Variants in ZNF680 observed in about 807,000 individuals in gnomAD.
ZNF680 encodes the protein zinc finger protein 680.
A neutral mutation model predicts 12.1 loss-of-function variants in ZNF680; 6 were observed. The ratio of observed to expected loss-of-function variants is 0.49; its 90% CI spans 0.27 to 0.98. The LOEUF (loss-of-function observed/expected upper bound fraction) is 0.98, where lower values mean the gene tolerates loss of function less well. Ranked by LOEUF, ZNF680 falls within the 50% of genes least tolerant of loss-of-function variation. The pLI is 0.12. For missense variants in ZNF680, 561 were observed against 616.3 expected (o/e 0.91, Z 0.95); for synonymous variants, 170 against 199.3 (o/e 0.85, Z 1.24).
intron 3 of ZNF680, chr7:64,526,210 A>G: frequency 9.9e-7 from 1 of 1,008,574 alleles, no homozygotes; most frequent in Non-Finnish European, 1.2e-6. Context: ...GGAAAAAGTA[A>G]TGTAGAGGTT....
rs534432744 is a variant in ZNF680 at position 64,550,036 on chromosome 7, A to G, written c.31-5604T>C. Among the ~76,000 whole-genome samples, 27 of 152,324 alleles carry G rather than the reference A, an allele frequency of 1.8e-4. No homozygotes were observed. The East Asian group carries it at 4.4e-3, about 25-fold the overall frequency. ...CAACATGAATATAAGTAGACAGTTT[A>G]TTTGGGTCAAGCTTGAGGATTGTTA... On this transcript the variant is annotated intron_variant, in intron 1 of 3. Transcript: ENST00000309683.
At chr7:64,555,072 C>T (rs2116545526) in intron 1 of ZNF680, among the ~76,000 whole-genome samples, 1 of 152,196 alleles carries the variant, frequency 6.6e-6, no homozygotes, top group African/African-American at 2.4e-5. Context: ...TAGATTCTGA[C>T]ACAATAATAG....
At chr7:64,547,337 C>A (rs537753222) in intron 1 of ZNF680, among the ~76,000 whole-genome samples, 17 of 152,298 alleles carry the variant, frequency 1.1e-4, no homozygotes, top group African/African-American at 3.8e-4. Flanking sequence ...TAAAGACAAC[C>A]AATCTCCATC....
At chr7:64,562,421 G>C (rs191154979) in intron 1 of ZNF680, among the ~76,000 whole-genome samples, 427 of 152,190 alleles carry the variant, frequency 2.8e-3, no homozygotes, top group Non-Finnish European at 4.2e-3. Flanking sequence ...TATTGAATTT[G>C]GTTTTATTCA....
rs368266383 is a variant in ZNF680, at chr7:64,554,206, G to C, written c.30+8719C>G. Among the ~76,000 whole-genome samples the C allele has an allele frequency of 1.8e-4, 27 of 146,600 alleles. No homozygotes were observed. In the East Asian group the frequency reaches 4.9e-3, roughly 27 times the overall value. ...GCGCCTCTGCCCCGCCGCCCCGTCT[G>C]AGATGTGAAGAGCGCCTCTGCCCGG... is the stretch of plus-strand genomic sequence containing the variant. On this transcript the variant is annotated intron_variant, in intron 1 of 3. Coordinates refer to ENST00000309683, the MANE Select transcript of ZNF680 (RefSeq NM_178558.5).
Position 64,522,072 on chromosome 7 carries a change from G to A in ZNF680, c.682C>T (p.His228Tyr). ...VLNWFSELIK[H>Y]KGIHMGEKPY... ...TTCTCTCCCATATGAATTCCCTTAT[G>A]TTTAATAAGCTCTGAGAACCAGTTA... is the stretch of plus-strand genomic sequence containing the variant. Residue 228 changes from histidine (H) to tyrosine (Y), a missense_variant, in exon 4 of 4, where the codon CAT becomes TAT. Transcript: ENST00000309683. 1.2e-6 allele frequency: 2 copies of A among 1,612,780 alleles called. No homozygotes were observed. The highest frequency in any genetic ancestry group is 1.7e-6 in the Non-Finnish European group (2 of 1,179,442).
intron 1 of ZNF680, chr7:64,561,070 AATT>A (rs951336793): frequency 3.3e-5 from 5 of 152,128 alleles, no homozygotes; most frequent in Admixed American, 3.3e-4. Context: ...AGAATCCAGA[AATT>A]ATTTCTATGT....
At chr7:64,515,107 T>A (rs1299350975), downstream of ZNF680, among the ~76,000 whole-genome samples, 8 of 152,008 alleles carry the variant, frequency 5.3e-5, no homozygotes, top group African/African-American at 1.9e-4. Flanking sequence ...TAATCTTTAT[T>A]TTGCTTTTCA....
chr7:64,506,565 A>T, the ZNF680 span, among the ~76,000 whole-genome samples: 5 of 152,230 alleles, frequency 3.3e-5, no homozygotes, highest in Non-Finnish European at 5.9e-5. Context: ...TTCCAATTTT[A>T]TTCACAACAA....
At chr7:64,554,782 G>GTTA (rs1787312006) in intron 1 of ZNF680, among the ~76,000 whole-genome samples, 1 of 152,104 alleles carries the variant, frequency 6.6e-6, no homozygotes, top group African/African-American at 2.4e-5. Context: ...ACAGATGCTT[G>GTTA]AAGGCGGCAT....
At chr7:64,515,357 G>C (rs139570678), downstream of ZNF680, among the ~76,000 whole-genome samples, 1,288 of 151,480 alleles carry the variant, frequency 8.5e-3, 15 homozygotes, top group African/African-American at 0.03. Flanking sequence ...AAAAATCCTA[G>C]CTACTGTTCC....
chr7:64,526,439 C>T, intron 3 of ZNF680: 3 of 1,479,958 alleles, frequency 2.0e-6, no homozygotes, highest in South Asian at 1.3e-5. Context: ...TCTGTAATCC[C>T]ACATCTTTAG....
rs371975040 is a variant in ZNF680 at position 64,562,971 on chromosome 7, C to G, written c.-17G>C. On this transcript the variant is annotated 5_prime_UTR_variant, in exon 1 of 4. Coordinates refer to ENST00000309683, the MANE Select transcript of ZNF680 (RefSeq NM_178558.5). ...TCCTGGCATCTTAGCTGTGCATCTCCCAATACCTGCAGATAACGGAGTCAC... is the reference window on the plus strand; with the variant it reads ...TCCTGGCATCTTAGCTGTGCATCTCGCAATACCTGCAGATAACGGAGTCAC... 6 of 1,613,316 alleles carry G rather than the reference C, an allele frequency of 3.7e-6. No individual in the cohort carries two copies. The highest frequency in any genetic ancestry group is 1.3e-5 in the African/African-American group (1 of 74,908).
intron 1 of ZNF680, chr7:64,560,904 A>G (rs190643892): frequency 5.1e-4 from 78 of 152,294 alleles, no homozygotes; most frequent in African/African-American, 1.9e-3. Flanking sequence ...AATTTTTAAC[A>G]AATGGAATAT....
chr7:64,544,288 T>C lies in ZNF680; in HGVS notation c.157+18A>G, dbSNP rs1190719404. ...CCTTTAGGGCATATTAGGAATTGTG[T>C]GTTGAAGTTATCCTCACCCAGGAAG... On this transcript the variant is annotated intron_variant, in intron 2 of 3. Coordinates refer to ENST00000309683, the MANE Select transcript of ZNF680 (RefSeq NM_178558.5). 6.3e-7 allele frequency: 1 copy of C among 1,597,004 alleles called. No homozygotes were observed. The highest frequency in any genetic ancestry group is 2.3e-5 in the East Asian group (1 of 44,338).
At chr7:64,559,831 A>G (rs1026047066) in intron 1 of ZNF680, among the ~76,000 whole-genome samples, 1 of 152,150 alleles carries the variant, frequency 6.6e-6, no homozygotes, top group African/African-American at 2.4e-5. Context: ...CAATAAGAAA[A>G]GCAAAAGTAT....
At chr7:64,562,684 C>G (rs1056235157) in intron 1 of ZNF680, among the ~76,000 whole-genome samples, 5 of 152,354 alleles carry the variant, frequency 3.3e-5, no homozygotes, top group African/African-American at 7.2e-5. Flanking sequence ...AGCTGCCCAG[C>G]GAGGGCTCCA....
intron 3 of ZNF680, among the ~76,000 whole-genome samples, chr7:64,532,018 T>A (rs1364021979): frequency 1.3e-5 from 2 of 151,772 alleles, no homozygotes; most frequent in Non-Finnish European, 2.9e-5. Context: ...TTTGAAAACA[T>A]AAATAGGCCA....
At chr7:64,553,884 G>A (rs1480124865) in intron 1 of ZNF680, among the ~76,000 whole-genome samples, 3 of 152,286 alleles carry the variant, frequency 2.0e-5, no homozygotes, top group Admixed American at 6.5e-5. Context: ...CGCTCACTCA[G>A]TGCTCAATGT....
Sources: allele counts gnomAD v4.1 joint callset (sites outside exome capture counted in the v4.1 genomes callset), GRCh38; gene constraint gnomAD v4.1.1; transcripts MANE v1.5; gene names NCBI Gene and HGNC (gene_info 2026-07-23, HGNC 2026-07-21).